The following CFAP54 variants were observed in gnomAD, a reference collection of about 807,000 sequenced individuals.
CFAP54 encodes the protein cilia- and flagella-associated protein 54.
In CFAP54, 290 loss-of-function variants were observed where a neutral mutation model predicts 370.4. The observed-to-expected ratio is 0.78, with a 90% CI of 0.71 to 0.86. The LOEUF (loss-of-function observed/expected upper bound fraction) is 0.86, where lower values mean the gene tolerates loss of function less well. Ranked by LOEUF, CFAP54 falls within the 40% of genes least tolerant of loss-of-function variation. The pLI is 0.00. For missense variants in CFAP54, 3,399 were observed against 3,528.7 expected (o/e 0.96, Z 0.93); for synonymous variants, 1,206 against 1,236.5 (o/e 0.98, Z 0.52).
intron 62 of CFAP54, among the ~76,000 whole-genome samples, chr12:96,787,647 C>T (rs1958641774): frequency 6.6e-6 from 1 of 151,978 alleles, no homozygotes; most frequent in East Asian, 1.9e-4. Flanking sequence ...TGTTGAATAC[C>T]TACTGTGTGC....
At chr12:96,844,839 C>T (rs726223) in intron 66 of CFAP54, among the ~76,000 whole-genome samples, 62,323 of 151,780 alleles carry the variant, frequency 0.41, 14,086 homozygotes, top group African/African-American at 0.6. Flanking sequence ...CTGTATGAAA[C>T]GCCCCTGCTC....
At chr12:96,570,817 ACTCTGAGACATT>A (rs1294538711) in intron 19 of CFAP54, among the ~76,000 whole-genome samples, 1 of 152,078 alleles carries the variant, frequency 6.6e-6, no homozygotes, top group African/African-American at 2.4e-5. Context: ...CACTTTAAGC[ACTCTGAGACATT>A]CTGTTTGAAC....
intron 6 of CFAP54, among the ~76,000 whole-genome samples, chr12:96,520,946 C>T (rs888163331): frequency 1.3e-5 from 2 of 152,186 alleles, no homozygotes; most frequent in African/African-American, 2.4e-5. Flanking sequence ...TTAACCTTCA[C>T]GGGTTACTTG....
At chr12:96,562,755 C>A (rs947984974) in intron 17 of CFAP54, among the ~76,000 whole-genome samples, 1 of 151,984 alleles carries the variant, frequency 6.6e-6, no homozygotes, top group Non-Finnish European at 1.5e-5. Flanking sequence ...ATAAAATTTC[C>A]TTTTTTCCCC....
chr12:96,640,013 T>C (rs1281759138), intron 32 of CFAP54, among the ~76,000 whole-genome samples: 2 of 152,140 alleles, frequency 1.3e-5, no homozygotes, highest in African/African-American at 2.4e-5. Context: ...CTTTGAAAAC[T>C]GGCACAAGAC....
intron 50 of CFAP54, among the ~76,000 whole-genome samples, chr12:96,723,199 A>G (rs1050697082): frequency 4.6e-5 from 7 of 152,212 alleles, no homozygotes; most frequent in Admixed American, 1.3e-4. Context: ...TGATAAGAAT[A>G]ATACAAATTT....
At chr12:96,825,299 A>G (rs546655609) in intron 65 of CFAP54, among the ~76,000 whole-genome samples, 2 of 128,278 alleles carry the variant, frequency 1.6e-5, no homozygotes, top group South Asian at 2.2e-4. Flanking sequence ...AATATAATAT[A>G]TTATATATAT....
intron 60 of CFAP54, among the ~76,000 whole-genome samples, chr12:96,777,661 T>C (rs1391764497): frequency 1.3e-5 from 2 of 152,128 alleles, no homozygotes; most frequent in Admixed American, 6.5e-5. Context: ...TCAAGGATAT[T>C]CTTAAGTGAA....
intron 14 of CFAP54, among the ~76,000 whole-genome samples, chr12:96,541,914 A>G (rs1384613608): frequency 1.4e-5 from 2 of 147,952 alleles, no homozygotes; most frequent in South Asian, 4.2e-4. Context: ...ACCAGCCCCC[A>G]TTCTTCCTGT....
intron 66 of CFAP54, among the ~76,000 whole-genome samples, chr12:96,835,535 T>G (rs1006284506): frequency 8.5e-5 from 13 of 152,158 alleles, no homozygotes; most frequent in African/African-American, 3.1e-4. Flanking sequence ...GTCTGCCTCC[T>G]GCTGCCATTC....
intron 26 of CFAP54, among the ~76,000 whole-genome samples, chr12:96,620,204 C>A (rs1249768151): frequency 6.6e-6 from 1 of 152,130 alleles, no homozygotes; most frequent in Non-Finnish European, 1.5e-5. Context: ...CCCTTCCCTG[C>A]ATGAGAAGTA....
At chr12:96,501,149 C>G (rs1955021014) in intron 2 of CFAP54, 1 of 406,416 alleles carries the variant, frequency 2.5e-6, no homozygotes, top group South Asian at 3.2e-5. Context: ...GTGAGACATT[C>G]CTGAACAGCC....
At chr12:96,533,119 C>T (rs932999326) in intron 9 of CFAP54, among the ~76,000 whole-genome samples, 5 of 151,852 alleles carry the variant, frequency 3.3e-5, no homozygotes, top group Non-Finnish European at 5.9e-5. Context: ...CTTTCAGTTA[C>T]TTTTCTTTTC....
Position 96,623,853 on chromosome 12 carries a change from GAC to G in CFAP54, c.3863_3864del (p.His1288ProfsTer12). The G allele has an allele frequency of 6.5e-7, 1 of 1,534,906 alleles. No individual in the cohort carries two copies. The highest frequency in any genetic ancestry group is 8.7e-7 in the Non-Finnish European group (1 of 1,145,958). On this transcript the variant is annotated frameshift_variant, in exon 28 of 68. Transcript: ENST00000524981. LOFTEE classifies it high-confidence loss of function. ...TAAATGAACAGCTGGCCTTGTTGGA[GAC>G]ACACCTACTCAAACTGACAAAGCAA... Reference protein sequence around the residue: ...KINEQLALLETHLLKLTKQYV... With the variant: ...KINEQLALLEXHLLKLTKQYV...
intron 63 of CFAP54, among the ~76,000 whole-genome samples, chr12:96,795,891 A>C (rs1958756041): frequency 6.6e-6 from 1 of 152,112 alleles, no homozygotes; most frequent in African/African-American, 2.4e-5. Context: ...TTCCACTGGC[A>C]GCCCTCCCCA....
intron 19 of CFAP54, 96 bp downstream of exon 19, chr12:96,564,861 A>G: frequency 4.1e-6 from 2 of 482,590 alleles, no homozygotes; most frequent in Non-Finnish European, 7.2e-6. Flanking sequence ...GTTGCCCTTA[A>G]CATTTAATTA....
chr12:96,581,138 T>A, intron 22 of CFAP54, 33 bp downstream of exon 22: 2 of 1,367,630 alleles, frequency 1.5e-6, no homozygotes, highest in Non-Finnish European at 1.9e-6. Context: ...TTTTCCACTG[T>A]GTTTTTTTTT....
intron 26 of CFAP54, among the ~76,000 whole-genome samples, chr12:96,604,121 A>T (rs540730803): frequency 6.6e-6 from 1 of 152,188 alleles, no homozygotes; most frequent in South Asian, 2.1e-4. Context: ...GATGTTGGTG[A>T]CCTACAAATG....
chr12:96,800,975 C>G (rs1958813553), intron 63 of CFAP54, among the ~76,000 whole-genome samples: 1 of 152,184 alleles, frequency 6.6e-6, no homozygotes, highest in African/African-American at 2.4e-5. Flanking sequence ...ATAGGCACTT[C>G]TAGCTTCTTG....
Sources: gnomAD v4.1 joint callset for allele counts (sites outside exome capture counted in the v4.1 genomes callset) on GRCh38, gnomAD v4.1.1 for gene constraint, MANE v1.5 for transcripts, NCBI Gene and HGNC (gene_info 2026-07-23, HGNC 2026-07-21) for gene names.